The following MAP4K4 variants were observed in gnomAD, a reference collection of about 807,000 sequenced individuals.
The protein encoded by MAP4K4 is mitogen-activated protein kinase kinase kinase kinase 4.
In MAP4K4, 38 loss-of-function variants were observed where a neutral mutation model predicts 189.6. That is an observed-to-expected ratio of 0.20 (90% confidence interval 0.15 to 0.26). MAP4K4 has a LOEUF of 0.26. Ranked by LOEUF, MAP4K4 falls within the 10% of genes least tolerant of loss-of-function variation. The pLI, the probability that MAP4K4 is intolerant of heterozygous loss-of-function variation, is 1.00. For missense variants in MAP4K4, 1,054 were observed against 1,726.9 expected (o/e 0.61, Z 6.91); for synonymous variants, 610 against 624.3 (o/e 0.98, Z 0.34).
At chr2:101,865,139 C>G (rs1247289470) in intron 18 of MAP4K4, 103 bp downstream of exon 18, 5 of 670,288 alleles carry the variant, frequency 7.5e-6, no homozygotes, top group Middle Eastern at 5.1e-4. Flanking sequence ...CGTTCTGGGG[C>G]TAAGAGATTA....
At chr2:101,824,763 T>G (rs1202050538) in intron 4 of MAP4K4, among the ~76,000 whole-genome samples, 1 of 152,238 alleles carries the variant, frequency 6.6e-6, no homozygotes, top group Non-Finnish European at 1.5e-5. Flanking sequence ...TTAGAATAGT[T>G]CAATTCAGTT....
intron 6 of MAP4K4, among the ~76,000 whole-genome samples, chr2:101,831,283 A>G (rs923016074): frequency 2.0e-5 from 3 of 152,060 alleles, no homozygotes; most frequent in African/African-American, 7.2e-5. Flanking sequence ...TTTTTTTTCA[A>G]GAAAACTTTC....
Position 101,882,535 on chromosome 2 carries a change from A to T in MAP4K4, c.3386-16A>T. 3.2e-6 allele frequency: 5 copies of T among 1,561,126 alleles called. No homozygotes were observed. The highest frequency in any genetic ancestry group is 3.5e-6 in the Non-Finnish European group (4 of 1,157,062). On this transcript the variant is annotated splice_polypyrimidine_tract_variant and intron_variant, in intron 27 of 32. Coordinates refer to ENST00000324219, the Ensembl canonical transcript of MAP4K4. ...TTCTGGATATGCATGTAAAATATTT[A>T]TATTTATTTTGCTAGGCAAAAAGGA...
At chr2:101,815,754 A>C (rs1394888752) in intron 3 of MAP4K4, among the ~76,000 whole-genome samples, 2 of 152,174 alleles carry the variant, frequency 1.3e-5, no homozygotes, top group Admixed American at 6.5e-5. Flanking sequence ...TGGCCCCACT[A>C]TCGAGGCCAG....
exon 13 of MAP4K4, chr2:101,855,979 A>G: frequency 6.5e-7 from 1 of 1,545,338 alleles, no homozygotes; most frequent in South Asian, 1.2e-5. Context: ...TTACGTAGCA[A>G]CAAAGGAGAG....
Position 101,881,991 on chromosome 2 carries a change from T to A in MAP4K4, c.3386-560T>A, listed in dbSNP as rs2098404402. Among the ~76,000 whole-genome samples the A allele has an allele frequency of 2.0e-5, 3 of 152,218 alleles. No homozygotes were observed. In the South Asian group the frequency reaches 6.2e-4, roughly 32 times the overall value. ...GCTGCTATGAACATTCCTGTTGTTG[T>A]ACTTGGGGGCATACATATACATTTA... is the stretch of plus-strand genomic sequence containing the variant. On this transcript the variant is annotated intron_variant, in intron 27 of 32. Coordinates refer to ENST00000324219, the Ensembl canonical transcript of MAP4K4.
chr2:101,829,612 G>A lies in MAP4K4; in HGVS notation c.508+18G>A, dbSNP rs375616791. 121 of 1,574,044 alleles carry A rather than the reference G, an allele frequency of 7.7e-5. No homozygotes were observed. The African/African-American group carries it at 8.6e-4, about 11-fold the overall frequency. ...GAAACTTGGTATGTAATGGATGTGC[G>A]GCGTGATCTCATAATTGCACCTGGC... On this transcript the variant is annotated intron_variant, in intron 6 of 32. Coordinates refer to ENST00000324219, the Ensembl canonical transcript of MAP4K4.
At chr2:101,741,432 T>C (rs960015593) in intron 2 of MAP4K4, among the ~76,000 whole-genome samples, 7 of 152,046 alleles carry the variant, frequency 4.6e-5, no homozygotes, top group African/African-American at 1.7e-4. Context: ...CCTCCCAAAG[T>C]GCTGGGATTA....
At chr2:101,807,358 C>T (rs1351897310) in intron 3 of MAP4K4, among the ~76,000 whole-genome samples, 3 of 152,114 alleles carry the variant, frequency 2.0e-5, no homozygotes, top group African/African-American at 7.2e-5. Flanking sequence ...TGAGCCACTG[C>T]TCCTGGACAT....
At chr2:101,757,885 C>T (rs962987766) in intron 2 of MAP4K4, among the ~76,000 whole-genome samples, 3 of 151,966 alleles carry the variant, frequency 2.0e-5, no homozygotes, top group East Asian at 3.9e-4. Flanking sequence ...TTTTTACAGG[C>T]GTGGTGGTAC....
At chr2:101,717,291 A>G (rs1307871534) in intron 2 of MAP4K4, among the ~76,000 whole-genome samples, 1 of 152,220 alleles carries the variant, frequency 6.6e-6, no homozygotes, top group Non-Finnish European at 1.5e-5. Flanking sequence ...TTAGGAGAGC[A>G]AACGAAGCTT....
exon 9 of MAP4K4, chr2:101,835,959 C>T: frequency 1.2e-6 from 2 of 1,613,146 alleles, no homozygotes; most frequent in Non-Finnish European, 1.7e-6. Flanking sequence ...CCCTCCTCCC[C>T]GGCTGAAGTC....
chr2:101,825,237 A>G, intron 4 of MAP4K4, 82 bp from the exon 5 acceptor site: 1 of 748,228 alleles, frequency 1.3e-6, no homozygotes, highest in Non-Finnish European at 2.2e-6. Flanking sequence ...GGTCTTTAGA[A>G]AAGAGAGGGC....
Position 101,698,966 on chromosome 2 carries a change from C to T in MAP4K4, c.123+428C>T, listed in dbSNP as rs74488637. Among the ~76,000 whole-genome samples the T allele has an allele frequency of 6.5e-3, 993 of 152,258 alleles. 11 individuals are homozygous for T. The highest frequency in any genetic ancestry group is 0.023 in the African/African-American group (962 of 41,524). On this transcript the variant is annotated intron_variant, in intron 2 of 32. Coordinates refer to ENST00000324219, the Ensembl canonical transcript of MAP4K4. ...GAAAATTGTCATCATGTTTCAGCCT[C>T]CACTCAGTGCTTGCCAGTTGCTCAA... is the stretch of plus-strand genomic sequence containing the variant.
chr2:101,703,810 AAGACC>A (rs2040425095), intron 2 of MAP4K4, among the ~76,000 whole-genome samples: 1 of 151,818 alleles, frequency 6.6e-6, no homozygotes, highest in Admixed American at 6.6e-5. Context: ...TCAGGAGTTC[AAGACC>A]AGCCTGTCAA....
chr2:101,853,710 G>A (rs2097355413), intron 12 of MAP4K4, among the ~76,000 whole-genome samples: 1 of 152,096 alleles, frequency 6.6e-6, no homozygotes, highest in South Asian at 2.1e-4. Flanking sequence ...ACATTATCGT[G>A]TATGTGCACA....
intron 2 of MAP4K4, among the ~76,000 whole-genome samples, chr2:101,707,150 A>G (rs1348335058): frequency 1.3e-5 from 2 of 151,296 alleles, no homozygotes; most frequent in Non-Finnish European, 2.9e-5. Context: ...GGTATCCTTT[A>G]GTAGGCACTT....
intron 2 of MAP4K4, among the ~76,000 whole-genome samples, chr2:101,761,349 T>C (rs2076298161): frequency 6.6e-6 from 1 of 151,636 alleles, no homozygotes; most frequent in Non-Finnish European, 1.5e-5. Context: ...GTAGATTGTT[T>C]AGCTAATGTT....
At chr2:101,853,729 T>TAC (rs1186099499) in intron 12 of MAP4K4, among the ~76,000 whole-genome samples, 18 of 151,980 alleles carry the variant, frequency 1.2e-4, no homozygotes, top group African/African-American at 1.5e-4. Flanking sequence ...CATACATACA[T>TAC]ATATACATAC....
Sources: allele counts gnomAD v4.1 joint callset (sites outside exome capture counted in the v4.1 genomes callset), GRCh38; gene constraint gnomAD v4.1.1; transcripts MANE v1.5; gene names NCBI Gene and HGNC (gene_info 2026-07-23, HGNC 2026-07-21).